The following ATAD1 variants were observed in gnomAD, a reference collection of about 807,000 sequenced individuals.
The protein encoded by ATAD1 is outer mitochondrial transmembrane helix translocase.
ATAD1 carries 18 observed loss-of-function variants against 42.7 expected under a neutral mutation model. That is an observed-to-expected ratio of 0.42 (90% confidence interval 0.29 to 0.63). The LOEUF is 0.63. ATAD1 is among the 20% of genes least tolerant of loss of function. ATAD1 has a pLI of 0.19. For synonymous variants in ATAD1, 132 were observed against 143.1 expected, an observed-to-expected ratio of 0.92 and a Z score of 0.55; for missense variants, 294 against 440.4, an observed-to-expected ratio of 0.67 and a Z score of 2.98.
upstream of ATAD1, among the ~76,000 whole-genome samples, chr10:87,820,015 G>A (rs1032311894): frequency 6.6e-6 from 1 of 152,148 alleles, no homozygotes; most frequent in Non-Finnish European, 1.5e-5. Flanking sequence ...AGCTAGGTTT[G>A]GGATTACTAG....
Position 87,792,714 on chromosome 10 carries a change from C to A in ATAD1, c.204G>T (p.Lys68Asn), listed in dbSNP as rs899530214. ...LMKQIGVKNV[K>N]LSEYEMSIAA... ...CAATACTCATTTCATATTCTGAGAG[C>A]TTCACATTTTTCACTCCAATTTGCT... Residue 68 changes from lysine (K) to asparagine (N), a missense_variant, in exon 3 of 10, where the codon AAG becomes AAT. By Grantham distance (94) the Lys-to-Asn change is moderately conservative. Transcript: ENST00000680024. 1.9e-5 allele frequency: 31 copies of A among 1,613,624 alleles called. No homozygotes were observed. Among genetic ancestry groups the A allele is most frequent in the Non-Finnish European group, 2.5e-5 (30 of 1,179,944 alleles).
intron 8 of ATAD1, among the ~76,000 whole-genome samples, chr10:87,763,068 G>A (rs1335031182): frequency 1.9e-5 from 2 of 104,580 alleles, no homozygotes; most frequent in East Asian, 2.8e-4. Context: ...GCGACAGAGC[G>A]AGACTCTGTC....
rs189117698 is a variant in ATAD1, at chr10:87,791,693, T to C, written c.261+964A>G. ...GGGACTACTTCATTCTACTTATTTATAGCAATATAACATTAATGTATTAGG... is the reference window on the plus strand; with the variant it reads ...GGGACTACTTCATTCTACTTATTTACAGCAATATAACATTAATGTATTAGG... On this transcript the variant is annotated intron_variant, in intron 3 of 9. Coordinates refer to ENST00000680024, the MANE Select transcript of ATAD1 (RefSeq NM_001321967.2). Among the ~76,000 whole-genome samples, 290 of 152,352 alleles carry C rather than the reference T, an allele frequency of 1.9e-3. 3 individuals are homozygous for C. The highest frequency in any genetic ancestry group is 6.8e-3 in the Middle Eastern group (2 of 294).
Position 87,790,427 on chromosome 10 carries a change from T to G in ATAD1, c.265A>C (p.Thr89Pro). 6.2e-7 allele frequency: 1 copy of G among 1,601,846 alleles called. No homozygotes were observed. The highest frequency in any genetic ancestry group is 1.3e-5 in the African/African-American group (1 of 74,446). Residue 89 changes from threonine to proline, a missense_variant, in exon 4 of 10, where the codon ACT becomes CCT. Physicochemically the swap from Thr to Pro is conservative, Grantham distance 38. Transcript: ENST00000680024. ...HLVDPLNMHV[T>P]WSDIAGLDDV... ...TCTAAACCTGCTATATCACTCCAAG[T>G]AACCTGGCAAAAGTTAAGGTCAACA...
At position 87,784,803 on chromosome 10, in the gene ATAD1, A is replaced by G. The variant is rs1346899608; in HGVS notation, c.383-133T>C. ...ATTCTGCTTTTATTTAATCTTGTTT[A>G]TAGTAGGTAAGATAGAAGAAAGGAA... On this transcript the variant is annotated intron_variant, in intron 4 of 9. Transcript: ENST00000680024. The G allele has an allele frequency of 2.9e-5, 23 of 794,000 alleles. No individual in the cohort carries two copies. In the East Asian group the frequency reaches 6.2e-4, roughly 22 times the overall value. The allele number at this position is 794,000 out of a possible 1,614,324, so 49.2% of individuals were successfully genotyped here. A position where few individuals can be genotyped will look rare whatever the true frequency, so the allele number is the denominator to read the frequency against.
At chr10:87,770,868 AATATTCCCTT>A (rs1425957846) in intron 7 of ATAD1, 74 bp downstream of exon 7, 26 of 1,274,214 alleles carry the variant, frequency 2.0e-5, no homozygotes, top group Non-Finnish European at 2.8e-5. Flanking sequence ...TATATGACAA[AATATTCCCTT>A]CTTAAAATTA....
In ATAD1 at chr10:87,762,435, A is replaced by G. The variant is rs368339949; in HGVS notation, c.831+5238T>C. 4.6e-5 allele frequency among the ~76,000 whole-genome samples: 7 copies of G among 150,608 alleles called. 1 individual carries two copies. The highest frequency in any genetic ancestry group is 1.5e-5 in the Non-Finnish European group (1 of 67,692). ...GTCTATCACTGTTAAAGGTTTACCA[A>G]TTGTGTTTTATCTAAACAATACTAC... On this transcript the variant is annotated intron_variant, in intron 8 of 9. Transcript: ENST00000680024.
At chr10:87,773,124 T>C (rs1365339987) in intron 6 of ATAD1, among the ~76,000 whole-genome samples, 1 of 152,156 alleles carries the variant, frequency 6.6e-6, no homozygotes, top group Non-Finnish European at 1.5e-5. Flanking sequence ...TTTATCTATG[T>C]AACAAACCTG....
chr10:87,827,710 C>A (rs1457839345), intron 1 of ATAD1, among the ~76,000 whole-genome samples: 2 of 152,142 alleles, frequency 1.3e-5, no homozygotes, highest in African/African-American at 2.4e-5. Context: ...TATCCCTCTC[C>A]TCAGGGCTTG....
chr10:87,810,670 T>C (rs1183633809), intron 2 of ATAD1, among the ~76,000 whole-genome samples: 2 of 152,246 alleles, frequency 1.3e-5, no homozygotes, highest in Non-Finnish European at 2.9e-5. Flanking sequence ...TTGTGTGGTA[T>C]ATACATTTCC....
At chr10:87,761,151 T>G (rs1444743113) in intron 8 of ATAD1, among the ~76,000 whole-genome samples, 2 of 152,152 alleles carry the variant, frequency 1.3e-5, no homozygotes, top group Non-Finnish European at 2.9e-5. Flanking sequence ...CAAATAAATA[T>G]ATGTGCTACT....
chr10:87,776,540 C>A, intron 5 of ATAD1, 113 bp from the exon 6 acceptor site: 1 of 732,746 alleles, frequency 1.4e-6, no homozygotes, highest in South Asian at 1.7e-5. Context: ...GCAATTACAG[C>A]ACATTGCAAC....
intron 1 of ATAD1, among the ~76,000 whole-genome samples, chr10:87,834,740 G>T (rs1857900499): frequency 6.6e-6 from 1 of 151,672 alleles, no homozygotes; most frequent in East Asian, 1.9e-4. Flanking sequence ...TTTCTCTATT[G>T]ATTTCTGTTT....
intron 6 of ATAD1, among the ~76,000 whole-genome samples, chr10:87,774,530 C>T (rs1427487632): frequency 1.3e-5 from 2 of 152,020 alleles, no homozygotes; most frequent in African/African-American, 4.8e-5. Flanking sequence ...AAATATAATA[C>T]TTGAAATAAT....
chr10:87,786,123 G>T (rs2131894459), intron 4 of ATAD1, among the ~76,000 whole-genome samples: 1 of 152,250 alleles, frequency 6.6e-6, no homozygotes, highest in African/African-American at 2.4e-5. Context: ...CCACCTGTTT[G>T]CAGATACTTG....
intron 2 of ATAD1, among the ~76,000 whole-genome samples, chr10:87,804,067 A>C (rs898514824): frequency 1.2e-4 from 18 of 152,234 alleles, no homozygotes; most frequent in African/African-American, 3.9e-4. Flanking sequence ...TGGGGTTAAC[A>C]AATGTTAGCT....
chr10:87,830,741 A>G (rs1460434701), intron 1 of ATAD1, among the ~76,000 whole-genome samples: 3 of 152,212 alleles, frequency 2.0e-5, no homozygotes, highest in Admixed American at 6.5e-5. Flanking sequence ...TCCATTGTCT[A>G]TTAACATAGT....
chr10:87,790,922 C>T lies in ATAD1; in HGVS notation c.262-492G>A, dbSNP rs112165964. On this transcript the variant is annotated intron_variant, in intron 3 of 9. Coordinates refer to ENST00000680024, the MANE Select transcript of ATAD1 (RefSeq NM_001321967.2). The stretch of plus-strand genomic sequence containing the variant: ...CCTATGGACCAGGCGTGGTCGCTCA[C>T]GCCTGTAATCCAGCACTTTGGGAGG... Among the ~76,000 whole-genome samples, 265 of 150,998 alleles carry T rather than the reference C, an allele frequency of 1.8e-3. 2 individuals are homozygous for T. Among genetic ancestry groups the T allele is most frequent in the African/African-American group, 5.5e-3 (225 of 40,964 alleles).
chr10:87,766,843 A>G (rs1160538032), intron 8 of ATAD1, among the ~76,000 whole-genome samples: 3 of 151,890 alleles, frequency 2.0e-5, no homozygotes, highest in Non-Finnish European at 4.4e-5. Context: ...AAAAATATAT[A>G]CAGGAAAAAA....
Sources: allele counts gnomAD v4.1 joint callset (sites outside exome capture counted in the v4.1 genomes callset), GRCh38; gene constraint gnomAD v4.1.1; transcripts MANE v1.5; gene names NCBI Gene and HGNC (gene_info 2026-07-23, HGNC 2026-07-21).